Variants in MSH4 observed in about 807,000 individuals in gnomAD.
MSH4 encodes the protein mutS protein homolog 4.
In MSH4, 106 loss-of-function variants were observed where a neutral mutation model predicts 113.7. The ratio of observed to expected loss-of-function variants is 0.93; its 90% CI spans 0.80 to 1.10. The LOEUF (loss-of-function observed/expected upper bound fraction) is 1.10, where lower values mean the gene tolerates loss of function less well. Among genes scored for constraint, MSH4 ranks in the 50% least tolerant of loss-of-function variants. The pLI is 0.00. For synonymous variants in MSH4, 368 were observed against 380.2 expected, an observed-to-expected ratio of 0.97 and a Z score of 0.37; for missense variants, 1,061 against 1,093.7, an observed-to-expected ratio of 0.97 and a Z score of 0.42.
chr1:75,820,133 C>T (rs1650378549), intron 6 of MSH4, among the ~76,000 whole-genome samples: 1 of 152,012 alleles, frequency 6.6e-6, no homozygotes, highest in African/African-American at 2.4e-5. Flanking sequence ...ATATAAAAGC[C>T]CCTCCACCCT....
intron 8 of MSH4, among the ~76,000 whole-genome samples, chr1:75,862,936 A>C (rs1651489977): frequency 6.6e-6 from 1 of 152,188 alleles, no homozygotes; most frequent in African/African-American, 2.4e-5. Flanking sequence ...TTATCTTAAC[A>C]CAATTTTCTT....
chr1:75,886,698 TATAA>T (rs201179816), intron 15 of MSH4, among the ~76,000 whole-genome samples: 8,937 of 133,774 alleles, frequency 0.067, 534 homozygotes, highest in East Asian at 0.25. Flanking sequence ...ATGTATAATA[TATAA>T]ATATATTATA....
chr1:75,822,635 G>A lies in MSH4; in HGVS notation c.1162+54G>A, dbSNP rs1650447819. 4.2e-6 allele frequency: 4 copies of A among 947,728 alleles called. No homozygotes were observed. The South Asian group carries it at 1.2e-4, about 29-fold the overall frequency. The allele number at this position is 947,728 out of a possible 1,614,324, so 58.7% of individuals were successfully genotyped here. On this transcript the variant is annotated intron_variant, in intron 7 of 19. Transcript: ENST00000263187. ...TACAAATTATTGAAAAATACAGTTG[G>A]CTTAGTTATTTTTCCATGTTTCTGA...
chr1:75,843,869 T>G (rs1165424213), intron 7 of MSH4, among the ~76,000 whole-genome samples: 2 of 152,030 alleles, frequency 1.3e-5, no homozygotes, highest in Non-Finnish European at 2.9e-5. Context: ...TGGAATGCAA[T>G]GGAGTGATCT....
intron 17 of MSH4, among the ~76,000 whole-genome samples, chr1:75,891,412 T>C (rs1025683119): frequency 6.6e-6 from 1 of 152,100 alleles, no homozygotes; most frequent in Non-Finnish European, 1.5e-5. Flanking sequence ...GATGAAGTTA[T>C]TTACCTTAAA....
intron 18 of MSH4, 68 bp from the exon 19 acceptor site, chr1:75,899,550 A>G (rs1170606333): frequency 1.9e-5 from 15 of 793,726 alleles, no homozygotes; most frequent in Non-Finnish European, 3.9e-6. Flanking sequence ...GATTAATACT[A>G]GTTAAAAGAA....
intron 9 of MSH4, among the ~76,000 whole-genome samples, chr1:75,869,115 A>G (rs1258942420): frequency 1.3e-5 from 2 of 152,186 alleles, no homozygotes; most frequent in African/African-American, 4.8e-5. Flanking sequence ...TGATAGTTAT[A>G]GGGATAGTAA....
intron 8 of MSH4, among the ~76,000 whole-genome samples, chr1:75,866,032 T>C (rs542110124): frequency 1.4e-4 from 22 of 152,354 alleles, no homozygotes; most frequent in African/African-American, 5.0e-4. Context: ...AGACTCTTTA[T>C]TCTGTTCCAT....
chr1:75,835,692 C>T (rs1650812496), intron 7 of MSH4, among the ~76,000 whole-genome samples: 1 of 152,122 alleles, frequency 6.6e-6, no homozygotes, highest in Non-Finnish European at 1.5e-5. Flanking sequence ...CATGTCTCTC[C>T]TATCTTTGTA....
chr1:75,823,013 G>A lies in MSH4; in HGVS notation c.1162+432G>A, dbSNP rs547293934. ...CAGAAAGTTTTTGTCTTACAGTTCT[G>A]GAAGCTAGAAACTTAAAATAAGGTG... On this transcript the variant is annotated intron_variant, in intron 7 of 19. Coordinates refer to ENST00000263187, the MANE Select transcript of MSH4 (RefSeq NM_002440.4). 9.2e-5 allele frequency among the ~76,000 whole-genome samples: 14 copies of A among 152,156 alleles called. No homozygotes were observed. The South Asian group carries it at 1.0e-3, about 11-fold the overall frequency.
At chr1:75,823,163 T>C (rs953288508) in intron 7 of MSH4, among the ~76,000 whole-genome samples, 1 of 152,224 alleles carries the variant, frequency 6.6e-6, no homozygotes, top group Admixed American at 6.5e-5. Flanking sequence ...AATCTCTGCT[T>C]CTATTGTCAT....
intron 3 of MSH4, among the ~76,000 whole-genome samples, chr1:75,808,848 G>A (rs1386603039): frequency 6.6e-6 from 1 of 152,006 alleles, no homozygotes; most frequent in Admixed American, 6.6e-5. Context: ...TGGGCCACTC[G>A]CCTATTGTCA....
At chr1:75,895,200 T>C (rs1652344834) in intron 17 of MSH4, among the ~76,000 whole-genome samples, 2 of 152,082 alleles carry the variant, frequency 1.3e-5, no homozygotes, top group Non-Finnish European at 2.9e-5. Flanking sequence ...AGGTATTGTG[T>C]TGGCTGAAGT....
intron 8 of MSH4, among the ~76,000 whole-genome samples, chr1:75,866,477 T>C (rs954310501): frequency 6.6e-6 from 1 of 152,244 alleles, no homozygotes; most frequent in South Asian, 2.1e-4. Flanking sequence ...ATTATTCTTC[T>C]TTAGTGATAG....
chr1:75,847,898 G>A (rs1242916841), intron 7 of MSH4, among the ~76,000 whole-genome samples: 1 of 152,148 alleles, frequency 6.6e-6, no homozygotes, highest in Non-Finnish European at 1.5e-5. Flanking sequence ...CCTATTAAAT[G>A]TTTTATCTCC....
chr1:75,800,281 T>G (rs1193590395), intron 1 of MSH4, among the ~76,000 whole-genome samples: 1 of 152,192 alleles, frequency 6.6e-6, no homozygotes, highest in East Asian at 1.9e-4. Flanking sequence ...GTCCACACCT[T>G]TGTAAATATT....
intron 1 of MSH4, among the ~76,000 whole-genome samples, chr1:75,799,109 C>T (rs538855289): frequency 3.9e-4 from 60 of 152,296 alleles, no homozygotes; most frequent in African/African-American, 1.4e-3. Flanking sequence ...TCCTTTAAAG[C>T]AACATGAATG....
intron 17 of MSH4, among the ~76,000 whole-genome samples, chr1:75,892,077 G>T (rs1433502387): frequency 1.3e-5 from 2 of 152,034 alleles, no homozygotes; most frequent in African/African-American, 4.8e-5. Flanking sequence ...ACCTAATGTG[G>T]GTGGGTCCCA....
intron 6 of MSH4, among the ~76,000 whole-genome samples, chr1:75,820,652 G>A (rs537714912): frequency 0.011 from 1,622 of 152,198 alleles, 15 homozygotes; most frequent in Non-Finnish European, 0.017. Context: ...ATTTCTGTGG[G>A]ATCAGTGGTG....
Sources: allele counts gnomAD v4.1 joint callset (sites outside exome capture counted in the v4.1 genomes callset), GRCh38; gene constraint gnomAD v4.1.1; transcripts MANE v1.5; gene names NCBI Gene and HGNC (gene_info 2026-07-23, HGNC 2026-07-21).